Variants in DLGAP2 observed in about 807,000 individuals in gnomAD.
DLGAP2 encodes the protein disks large-associated protein 2.
DLGAP2 carries 26 observed loss-of-function variants against 100.3 expected under a neutral mutation model. The observed-to-expected ratio is 0.26, with a 90% CI of 0.19 to 0.36. The LOEUF (loss-of-function observed/expected upper bound fraction) is 0.36. DLGAP2 is among the 10% of genes least tolerant of loss of function. The pLI is 1.00. For missense variants in DLGAP2, 1,858 were observed against 1,453.2 expected, an observed-to-expected ratio of 1.28 and a Z score of -4.53; for synonymous variants, 886 against 630.1, an observed-to-expected ratio of 1.41 and a Z score of -6.08.
chr8:737,922 G>A (rs1172182038), intron 1 of DLGAP2, 97 bp downstream of exon 1: 2 of 359,028 alleles, frequency 5.6e-6, no homozygotes, highest in African/African-American at 4.3e-5. Context: ...GGGACGCCCC[G>A]AGGGCGTCAG....
intron 6 of DLGAP2, among the ~76,000 whole-genome samples, chr8:1,613,492 T>G (rs1324173769): frequency 6.6e-6 from 1 of 150,888 alleles, no homozygotes; most frequent in Admixed American, 6.6e-5. Flanking sequence ...TGTATACATA[T>G]GTAACTAACC....
chr8:1,363,151 T>C (rs1802023249), intron 3 of DLGAP2, among the ~76,000 whole-genome samples: 1 of 152,180 alleles, frequency 6.6e-6, no homozygotes, highest in Non-Finnish European at 1.5e-5. Flanking sequence ...CACAAAACCA[T>C]CTGCAGGTGG....
intron 2 of DLGAP2, among the ~76,000 whole-genome samples, chr8:1,117,916 C>G (rs981140034): frequency 6.6e-6 from 1 of 151,850 alleles, no homozygotes; most frequent in Admixed American, 6.6e-5. Flanking sequence ...ATCAGCAATT[C>G]AAACATGGAA....
At chr8:1,422,311 A>T (rs1797113376) in intron 3 of DLGAP2, among the ~76,000 whole-genome samples, 1 of 152,186 alleles carries the variant, frequency 6.6e-6, no homozygotes, top group African/African-American at 2.4e-5. Context: ...AATAGGGAAG[A>T]AGTGCATTCC....
intron 3 of DLGAP2, among the ~76,000 whole-genome samples, chr8:1,408,455 C>T (rs148358119): frequency 6.6e-6 from 1 of 152,302 alleles, no homozygotes; most frequent in Non-Finnish European, 1.5e-5. Flanking sequence ...GCATCTGGGG[C>T]ACCGTGTCAA....
At chr8:1,429,947 A>G (rs1489107639) in intron 3 of DLGAP2, among the ~76,000 whole-genome samples, 1 of 136,582 alleles carries the variant, frequency 7.3e-6, no homozygotes, top group East Asian at 2.5e-4. Context: ...ATTTTCAGAT[A>G]TGCACCTGAA....
chr8:1,686,696 G>C (rs7008394), intron 12 of DLGAP2, among the ~76,000 whole-genome samples: 14,243 of 151,996 alleles, frequency 0.094, 952 homozygotes, highest in East Asian at 0.22. Flanking sequence ...CAGAGCTCAT[G>C]AAGGTGGAGA....
At chr8:921,906 A>G (rs1483934248) in intron 2 of DLGAP2, among the ~76,000 whole-genome samples, 1 of 152,248 alleles carries the variant, frequency 6.6e-6, no homozygotes, top group Non-Finnish European at 1.5e-5. Context: ...ACGTTCGGGC[A>G]GAAGAACTGG....
rs980967119 is a variant in DLGAP2, at chr8:977,356, C to T, written c.73+69390C>T. Reference sequence around the variant, plus strand: ...GCTGAGGTGGACACATGCCTTTGGTCAGGCAGGTAAACAATTTTATGTGCA... The same window carrying T: ...GCTGAGGTGGACACATGCCTTTGGTTAGGCAGGTAAACAATTTTATGTGCA... On this transcript the variant is annotated intron_variant, in intron 2 of 14. Transcript: ENST00000637795. 3.3e-5 allele frequency among the ~76,000 whole-genome samples: 5 copies of T among 152,342 alleles called. No individual in the cohort carries two copies. In the East Asian group the frequency reaches 5.8e-4, roughly 18 times the overall value.
chr8:1,574,814 C>T (rs1333967949), intron 6 of DLGAP2, among the ~76,000 whole-genome samples: 2 of 152,150 alleles, frequency 1.3e-5, no homozygotes, highest in Non-Finnish European at 1.5e-5. Context: ...AAAGGAAACC[C>T]ACGAACATAC....
intron 2 of DLGAP2, among the ~76,000 whole-genome samples, chr8:1,036,285 A>C (rs1432593419): frequency 3.9e-5 from 6 of 152,256 alleles, no homozygotes; most frequent in African/African-American, 1.4e-4. Flanking sequence ...TTTAATGAAC[A>C]CTGTGCTAGA....
At chr8:1,102,712 G>A (rs1424116387) in intron 2 of DLGAP2, among the ~76,000 whole-genome samples, 2 of 152,156 alleles carry the variant, frequency 1.3e-5, no homozygotes. Flanking sequence ...GGGGATTTAG[G>A]CACCTTTGCG....
intron 2 of DLGAP2, among the ~76,000 whole-genome samples, chr8:1,030,933 C>T (rs558464681): frequency 4.7e-4 from 71 of 152,192 alleles, no homozygotes; most frequent in African/African-American, 1.7e-3. Flanking sequence ...AGGTCGGTGC[C>T]TGACCCAGTG....
intron 2 of DLGAP2, among the ~76,000 whole-genome samples, chr8:969,095 G>T (rs11994548): frequency 0.033 from 5,058 of 152,244 alleles, 261 homozygotes; most frequent in African/African-American, 0.11. Flanking sequence ...CTGGATGAGA[G>T]TCTCATGATA....
chr8:1,089,860 T>A (rs1450541438), intron 2 of DLGAP2, among the ~76,000 whole-genome samples: 1 of 152,222 alleles, frequency 6.6e-6, no homozygotes, highest in Non-Finnish European at 1.5e-5. Context: ...ACTCGGGGGT[T>A]GGAGACACAT....
At chr8:846,203 C>A (rs1797068956) in intron 1 of DLGAP2, among the ~76,000 whole-genome samples, 1 of 152,222 alleles carries the variant, frequency 6.6e-6, no homozygotes, top group South Asian at 2.1e-4. Flanking sequence ...TAACTCCAGT[C>A]ATTCCACTGT....
At chr8:1,546,512 C>G (rs1217727803) in intron 4 of DLGAP2, among the ~76,000 whole-genome samples, 1 of 152,252 alleles carries the variant, frequency 6.6e-6, no homozygotes, top group African/African-American at 2.4e-5. Context: ...GTCCTGGATC[C>G]TGAAATCTGC....
chr8:1,264,475 A>G (rs760574736), intron 3 of DLGAP2, among the ~76,000 whole-genome samples: 29 of 152,290 alleles, frequency 1.9e-4, no homozygotes, highest in Non-Finnish European at 3.4e-4. Flanking sequence ...AAAGTTACCA[A>G]TGAGAAATGC....
At chr8:923,695 A>G (rs1798759899) in intron 2 of DLGAP2, among the ~76,000 whole-genome samples, 1 of 152,184 alleles carries the variant, frequency 6.6e-6, no homozygotes, top group African/African-American at 2.4e-5. Flanking sequence ...GGAAGCGTTT[A>G]ATTTGAACTG....
Sources: allele counts gnomAD v4.1 joint callset (sites outside exome capture counted in the v4.1 genomes callset), GRCh38; gene constraint gnomAD v4.1.1; transcripts MANE v1.5; gene names NCBI Gene and HGNC (gene_info 2026-07-23, HGNC 2026-07-21).